The following KCNIP4 variants were observed in gnomAD, a reference collection of about 807,000 sequenced individuals.
KCNIP4 encodes the protein potassium voltage-gated channel interacting protein 4.
Under a neutral mutation model 34.0 loss-of-function variants are expected in KCNIP4, and 12 were observed. That is an observed-to-expected ratio of 0.35 (90% CI 0.23 to 0.57). The LOEUF is 0.57. KCNIP4 is among the 20% of genes least tolerant of loss of function. The pLI is 0.83. For synonymous variants in KCNIP4, 124 were observed against 102.2 expected (o/e 1.21, Z -1.29); for missense variants, 238 against 311.7 (o/e 0.76, Z 1.78).
chr4:20,999,960 G>A (rs145255696), intron 1 of KCNIP4, among the ~76,000 whole-genome samples: 4 of 152,230 alleles, frequency 2.6e-5, no homozygotes, highest in African/African-American at 9.6e-5. Flanking sequence ...TCATCTCCAC[G>A]TTTGGGGCAT....
rs575370359 is a variant in KCNIP4 at position 21,096,909 on chromosome 4, T to C, written c.62-214200A>G. Among the ~76,000 whole-genome samples the C allele has an allele frequency of 1.1e-3, 166 of 152,218 alleles. 1 individual carries two copies. The highest frequency in any genetic ancestry group is 6.8e-3 in the Middle Eastern group (2 of 294). ...GAAGGATGCTATGTCTCCGTATCCT[T>C]CCACTTCCCCAAATATACAATTAAT... On this transcript the variant is annotated intron_variant, in intron 1 of 8. Transcript: ENST00000382152.
chr4:20,855,567 TGA>T (rs1423254471), intron 2 of KCNIP4, among the ~76,000 whole-genome samples: 1 of 152,034 alleles, frequency 6.6e-6, no homozygotes, highest in East Asian at 1.9e-4. Flanking sequence ...TCTGCCTCAC[TGA>T]GAGCATTGAG....
chr4:21,464,792 C>A (rs1244492372), intron 1 of KCNIP4: 1 of 152,026 alleles, frequency 6.6e-6, no homozygotes, highest in Non-Finnish European at 1.5e-5. Context: ...ATGTTCCATA[C>A]CAAAGCAGCA....
intron 1 of KCNIP4, among the ~76,000 whole-genome samples, chr4:21,839,095 G>T (rs1266379342): frequency 6.6e-6 from 1 of 152,014 alleles, no homozygotes; most frequent in Non-Finnish European, 1.5e-5. Context: ...AACACAAAAT[G>T]CTCCATTTCA....
chr4:20,993,366 G>T (rs1015277188), intron 1 of KCNIP4, among the ~76,000 whole-genome samples: 11 of 152,164 alleles, frequency 7.2e-5, no homozygotes, highest in African/African-American at 2.7e-4. Flanking sequence ...GGATTAATAT[G>T]ACCTGTGTCC....
intron 1 of KCNIP4, among the ~76,000 whole-genome samples, chr4:21,244,030 C>T (rs182064906): frequency 4.6e-5 from 7 of 152,280 alleles, no homozygotes; most frequent in Admixed American, 4.6e-4. Flanking sequence ...GCTGAAATGG[C>T]TTTCCATAGA....
chr4:21,352,312 C>A (rs2109378631), intron 1 of KCNIP4, among the ~76,000 whole-genome samples: 1 of 152,284 alleles, frequency 6.6e-6, no homozygotes. Flanking sequence ...CAAGCCAAAG[C>A]AGGGTGGGAC....
chr4:21,291,746 C>A (rs1276470746), intron 1 of KCNIP4, among the ~76,000 whole-genome samples: 1 of 148,948 alleles, frequency 6.7e-6, no homozygotes, highest in Non-Finnish European at 1.5e-5. Flanking sequence ...CCCAGCTACT[C>A]GGGAGGCTGA....
chr4:20,781,625 C>T (rs561480462), intron 3 of KCNIP4, among the ~76,000 whole-genome samples: 17 of 152,232 alleles, frequency 1.1e-4, no homozygotes, highest in South Asian at 4.1e-4. Flanking sequence ...GAGACTTATT[C>T]GCTACCACAA....
intron 1 of KCNIP4, among the ~76,000 whole-genome samples, chr4:21,945,472 T>C (rs2109024397): frequency 6.6e-6 from 1 of 152,342 alleles, no homozygotes. Flanking sequence ...CTTGTGGAAT[T>C]ACTAATTTGA....
chr4:20,863,640 A>G lies in KCNIP4; in HGVS notation c.164-12973T>C, dbSNP rs904563657. Reference sequence around the variant, plus strand: ...CTAAATTCTTTCCCAAGGTTAGTTCAGCCTACGCCCAGGAATGAACAAGGA... The same window carrying G: ...CTAAATTCTTTCCCAAGGTTAGTTCGGCCTACGCCCAGGAATGAACAAGGA... On this transcript the variant is annotated intron_variant, in intron 2 of 8. Coordinates refer to ENST00000382152, the MANE Select transcript of KCNIP4 (RefSeq NM_025221.6). Among the ~76,000 whole-genome samples the G allele has an allele frequency of 3.9e-5, 6 of 152,308 alleles. 1 individual carries two copies. The highest frequency in any genetic ancestry group is 6.5e-5 in the Admixed American group (1 of 15,278).
chr4:21,108,815 C>T (rs1380151586), intron 1 of KCNIP4, among the ~76,000 whole-genome samples: 1 of 152,148 alleles, frequency 6.6e-6, no homozygotes, highest in Non-Finnish European at 1.5e-5. Context: ...TTCCTTCTGA[C>T]AGACAGGACC....
chr4:21,378,028 G>C (rs1452843796), intron 1 of KCNIP4, among the ~76,000 whole-genome samples: 1 of 69,738 alleles, frequency 1.4e-5, no homozygotes, highest in African/African-American at 4.8e-5. Context: ...CAATATCCTG[G>C]TTAGACTAAC....
chr4:20,777,395 T>C (rs1756467772), intron 3 of KCNIP4, among the ~76,000 whole-genome samples: 1 of 152,166 alleles, frequency 6.6e-6, no homozygotes, highest in Non-Finnish European at 1.5e-5. Flanking sequence ...AGATGAGATT[T>C]GGGAAGGGAC....
chr4:20,873,647 C>T (rs1401997084), intron 2 of KCNIP4, among the ~76,000 whole-genome samples: 1 of 152,088 alleles, frequency 6.6e-6, no homozygotes, highest in African/African-American at 2.4e-5. Context: ...TCACATCATC[C>T]CTTCTAAAAT....
At chr4:21,239,136 A>G (rs183197322) in intron 1 of KCNIP4, among the ~76,000 whole-genome samples, 3,146 of 152,044 alleles carry the variant, frequency 0.021, 51 homozygotes, top group Non-Finnish European at 0.03. Flanking sequence ...AGGATTCCCT[A>G]TTTAACAAAT....
chr4:21,537,582 G>A (rs1313620830), intron 1 of KCNIP4, among the ~76,000 whole-genome samples: 2 of 152,082 alleles, frequency 1.3e-5, no homozygotes, highest in South Asian at 2.1e-4. Context: ...TTAAAATTTC[G>A]TGTCTACTTG....
chr4:21,481,482 A>G (rs1430439217), intron 1 of KCNIP4, among the ~76,000 whole-genome samples: 1 of 152,196 alleles, frequency 6.6e-6, no homozygotes, highest in East Asian at 1.9e-4. Context: ...CTGAAGGGTC[A>G]TAGTGGCTTG....
chr4:21,924,992 C>T lies in KCNIP4; in HGVS notation c.61+23579G>A, dbSNP rs557699350. 3.9e-5 allele frequency among the ~76,000 whole-genome samples: 6 copies of T among 152,202 alleles called. No homozygotes were observed. The East Asian group carries it at 1.2e-3, about 30-fold the overall frequency. On this transcript the variant is annotated intron_variant, in intron 1 of 8. Transcript: ENST00000382152. ...CATTTTCCTAATCTCTCTTGCATCA[C>T]CTCTCTTCTCTCTCCTCCTTACTCA...
Sources: allele counts gnomAD v4.1 joint callset (sites outside exome capture counted in the v4.1 genomes callset), GRCh38; gene constraint gnomAD v4.1.1; transcripts MANE v1.5; gene names NCBI Gene and HGNC (gene_info 2026-07-23, HGNC 2026-07-21).